PPFIA2: variants seen among roughly 807,000 people sequenced by gnomAD.
The protein encoded by PPFIA2 is PPFI scaffold protein A2.
A neutral mutation model predicts 175.5 loss-of-function variants in PPFIA2; 46 were observed. The ratio of observed to expected loss-of-function variants is 0.26; its 90% CI spans 0.21 to 0.34. The LOEUF is 0.34. Ranked by LOEUF, PPFIA2 falls within the 10% of genes least tolerant of loss-of-function variation. The pLI, the probability that PPFIA2 is intolerant of heterozygous loss-of-function variation, is 1.00. For missense variants in PPFIA2, 1,179 were observed against 1,506.1 expected, an observed-to-expected ratio of 0.78 and a Z score of 3.60; for synonymous variants, 568 against 511.4, an observed-to-expected ratio of 1.11 and a Z score of -1.49.
Position 81,710,710 on chromosome 12 carries a change from T to C in PPFIA2, c.250-33866A>G, listed in dbSNP as rs995428941. 2.0e-5 allele frequency among the ~76,000 whole-genome samples: 3 copies of C among 147,506 alleles called. 1 individual carries two copies. Among genetic ancestry groups the C allele is most frequent in the African/African-American group, 7.3e-5 (3 of 41,344 alleles). On this transcript the variant is annotated intron_variant, in intron 3 of 32. Transcript: ENST00000549396. Reference sequence around the variant, plus strand: ...CACATAGAACTGAGATATTTTCATATAATATTTTAAATAATTTTATGCATG... The same window carrying C: ...CACATAGAACTGAGATATTTTCATACAATATTTTAAATAATTTTATGCATG...
intron 3 of PPFIA2, among the ~76,000 whole-genome samples, chr12:81,697,504 C>T (rs2076025317): frequency 6.6e-6 from 1 of 151,908 alleles, no homozygotes; most frequent in African/African-American, 2.4e-5. Flanking sequence ...TTTTATAAGC[C>T]ACTTCAGCTA....
At chr12:81,332,980 T>C (rs891065659) in intron 21 of PPFIA2, among the ~76,000 whole-genome samples, 1 of 152,212 alleles carries the variant, frequency 6.6e-6, no homozygotes, top group African/African-American at 2.4e-5. Context: ...GTTTTAGTTG[T>C]ATAAAGAAGA....
chr12:81,662,245 A>C (rs2069038065), intron 4 of PPFIA2, among the ~76,000 whole-genome samples: 1 of 152,176 alleles, frequency 6.6e-6, no homozygotes, highest in Non-Finnish European at 1.5e-5. Flanking sequence ...CCCTTCAAAA[A>C]ATCAATGAAT....
At chr12:81,393,090 T>C (rs905074063) in intron 8 of PPFIA2, among the ~76,000 whole-genome samples, 13 of 152,180 alleles carry the variant, frequency 8.5e-5, no homozygotes, top group Non-Finnish European at 1.5e-4. Context: ...TCAGACTGAT[T>C]CATGGTGATC....
At chr12:81,656,601 A>T (rs532034082) in intron 4 of PPFIA2, among the ~76,000 whole-genome samples, 7 of 152,188 alleles carry the variant, frequency 4.6e-5, no homozygotes, top group African/African-American at 1.7e-4. Context: ...TCTGTGATAA[A>T]GGAAAGAAAA....
At chr12:81,357,434 A>C (rs745348623) in intron 16 of PPFIA2, among the ~76,000 whole-genome samples, 2 of 152,172 alleles carry the variant, frequency 1.3e-5, no homozygotes, top group Non-Finnish European at 2.9e-5. Context: ...CTTAGGCACC[A>C]AAGGACTATT....
intron 4 of PPFIA2, among the ~76,000 whole-genome samples, chr12:81,647,302 A>G (rs1303730739): frequency 6.6e-6 from 1 of 152,208 alleles, no homozygotes; most frequent in Non-Finnish European, 1.5e-5. Flanking sequence ...GGAAAAACAG[A>G]AAACAGAACA....
intron 4 of PPFIA2, among the ~76,000 whole-genome samples, chr12:81,542,419 G>A (rs538750612): frequency 4.4e-4 from 67 of 152,220 alleles, no homozygotes; most frequent in Non-Finnish European, 8.5e-4. Flanking sequence ...TGATTTTGTG[G>A]TAATTTGTTA....
intron 5 of PPFIA2, among the ~76,000 whole-genome samples, chr12:81,456,302 C>T (rs1284330490): frequency 2.0e-5 from 3 of 152,178 alleles, no homozygotes; most frequent in Non-Finnish European, 4.4e-5. Context: ...ATGATCTAAA[C>T]TGCCCTTGTT....
intron 30 of PPFIA2, 101 bp downstream of exon 30, chr12:81,266,851 G>T: frequency 1.2e-6 from 1 of 813,038 alleles, no homozygotes. Context: ...CCATAGAACA[G>T]TCATTTGATT....
In PPFIA2 at chr12:81,376,074, T is replaced by C. The variant is rs191961269; in HGVS notation, c.985-132A>G. On this transcript the variant is annotated intron_variant, in intron 9 of 32. Transcript: ENST00000549396. ...GTAAATACTCATTCCTTTCTTTTCA[T>C]TGAACGAATGTGAGATTGCAGGTGC... The C allele has an allele frequency of 2.6e-4, 217 of 834,264 alleles. No homozygotes were observed. In the East Asian group the frequency reaches 4.7e-3, roughly 18 times the overall value. The allele number at this position is 834,264 out of a possible 1,614,324, so 51.7% of individuals were successfully genotyped here.
intron 4 of PPFIA2, among the ~76,000 whole-genome samples, chr12:81,617,012 C>T (rs889637408): frequency 2.0e-5 from 3 of 152,146 alleles, no homozygotes; most frequent in Admixed American, 1.3e-4. Flanking sequence ...CAAATTGCCA[C>T]TCTTCTGCTT....
Position 81,415,041 on chromosome 12 carries a change from C to T in PPFIA2, c.646-9138G>A, listed in dbSNP as rs2044685991. On this transcript the variant is annotated intron_variant, in intron 7 of 32. Coordinates refer to ENST00000549396, the MANE Select transcript of PPFIA2 (RefSeq NM_003625.5). ...TGCAGTTTGATCAGCTTACATGTAA[C>T]ATTCAATTTAAATGGCTTTCATTAA... Among the ~76,000 whole-genome samples the T allele has an allele frequency of 2.7e-5, 4 of 149,464 alleles. No individual in the cohort carries two copies. In the South Asian group the frequency reaches 8.4e-4, roughly 31 times the overall value.
At chr12:81,375,298 G>T (rs967861944) in intron 10 of PPFIA2, among the ~76,000 whole-genome samples, 15 of 152,130 alleles carry the variant, frequency 9.9e-5, no homozygotes, top group Admixed American at 9.8e-4. Context: ...GCATGGCTGT[G>T]TTCCAATAAG....
intron 4 of PPFIA2, among the ~76,000 whole-genome samples, chr12:81,508,635 T>G (rs2061450997): frequency 6.6e-6 from 1 of 151,760 alleles, no homozygotes; most frequent in Non-Finnish European, 1.5e-5. Context: ...TTATTATACT[T>G]TAAGTTTTAG....
chr12:81,623,844 A>G (rs1457850913), intron 4 of PPFIA2, among the ~76,000 whole-genome samples: 1 of 151,950 alleles, frequency 6.6e-6, no homozygotes, highest in Non-Finnish European at 1.5e-5. Context: ...TTTATCTCCT[A>G]TAAACAAGGC....
chr12:81,313,553 T>C (rs899232666), intron 22 of PPFIA2, among the ~76,000 whole-genome samples: 4 of 152,118 alleles, frequency 2.6e-5, no homozygotes, highest in Non-Finnish European at 5.9e-5. Flanking sequence ...TCATAAACAC[T>C]GGCACTACAC....
At chr12:81,643,671 C>G (rs528431592) in intron 4 of PPFIA2, among the ~76,000 whole-genome samples, 1 of 151,986 alleles carries the variant, frequency 6.6e-6, no homozygotes, top group South Asian at 2.1e-4. Context: ...TTGGAGTCAC[C>G]TGAAGGTAGG....
At chr12:81,395,445 G>A (rs2040945844) in intron 8 of PPFIA2, among the ~76,000 whole-genome samples, 1 of 151,962 alleles carries the variant, frequency 6.6e-6, no homozygotes, top group East Asian at 1.9e-4. Context: ...CACAGAAAAC[G>A]ATTCCCCCAA....
Sources: gnomAD v4.1 joint callset for allele counts (sites outside exome capture counted in the v4.1 genomes callset) on GRCh38, gnomAD v4.1.1 for gene constraint, MANE v1.5 for transcripts, NCBI Gene and HGNC (gene_info 2026-07-23, HGNC 2026-07-21) for gene names.